Variants in ARVCF observed in about 807,000 individuals in gnomAD.
ARVCF encodes the protein ARVCF delta catenin family member.
ARVCF carries 66 observed loss-of-function variants against 90.9 expected under a neutral mutation model. That is an observed-to-expected ratio of 0.73 (90% CI 0.60 to 0.89). The LOEUF (loss-of-function observed/expected upper bound fraction) is 0.89. Among genes scored for constraint, ARVCF ranks in the 40% least tolerant of loss-of-function variants. The pLI, the probability that ARVCF is intolerant of heterozygous loss-of-function variation, is 0.00. For synonymous variants in ARVCF, 653 were observed against 603.4 expected, an observed-to-expected ratio of 1.08 and a Z score of -1.21; for missense variants, 1,469 against 1,382.3, an observed-to-expected ratio of 1.06 and a Z score of -1.00.
intron 1 of ARVCF, among the ~76,000 whole-genome samples, chr22:20,012,086 C>A (rs956736867): frequency 7.9e-6 from 1 of 127,202 alleles, no homozygotes; most frequent in Admixed American, 8.0e-5. Flanking sequence ...AAGTCCCCCC[C>A]CCCCACCCAG....
At position 19,979,689 on chromosome 22, in the gene ARVCF, A is replaced by G. The variant is rs980090622; in HGVS notation, c.1396+54T>C. ...GAGTGGCCTCGTTCCTCCCGGGTTGAGCCTCACACTCTTCTCTTCCCAGGG... is the reference window on the plus strand; with the variant it reads ...GAGTGGCCTCGTTCCTCCCGGGTTGGGCCTCACACTCTTCTCTTCCCAGGG... On this transcript the variant is annotated intron_variant, in intron 6 of 19. Coordinates refer to ENST00000263207, the MANE Select transcript of ARVCF (RefSeq NM_001670.3). 5 of 1,526,066 alleles carry G rather than the reference A, an allele frequency of 3.3e-6. No individual in the cohort carries two copies. In the African/African-American group the frequency reaches 6.8e-5, roughly 21 times the overall value. The allele number at this position is 1,526,066 out of a possible 1,614,324, so 94.5% of individuals were successfully genotyped here.
Position 19,997,718 on chromosome 22 carries a change from C to CA in ARVCF, c.-18-6907dup, listed in dbSNP as rs577216758. Among the ~76,000 whole-genome samples the CA allele has an allele frequency of 1.5e-3, 230 of 152,324 alleles. 1 individual carries two copies. Among genetic ancestry groups the CA allele is most frequent in the African/African-American group, 5.3e-3 (220 of 41,568 alleles). On this transcript the variant is annotated intron_variant, in intron 2 of 19. Coordinates refer to ENST00000263207, the MANE Select transcript of ARVCF (RefSeq NM_001670.3). Reference sequence around the variant, plus strand: ...CCAGGGAGAGGGCTGCAGAGGCTGCCAGTGCAGTGTCTTCTCCCCTGCACA... The same window carrying CA: ...CCAGGGAGAGGGCTGCAGAGGCTGCCAAGTGCAGTGTCTTCTCCCCTGCACA...
At chr22:20,001,914 T>C (rs981832211) in intron 2 of ARVCF, among the ~76,000 whole-genome samples, 4 of 152,146 alleles carry the variant, frequency 2.6e-5, no homozygotes, top group African/African-American at 9.7e-5. Context: ...AGTGTGAGGC[T>C]GGAGAAAGTA....
intron 2 of ARVCF, among the ~76,000 whole-genome samples, chr22:20,005,811 A>AG (rs1196519246): frequency 1.4e-3 from 209 of 151,910 alleles, no homozygotes; most frequent in African/African-American, 4.6e-3. Context: ...AAAAAAAAAA[A>AG]GAATTGAAAG....
intron 2 of ARVCF, among the ~76,000 whole-genome samples, chr22:19,996,324 A>G (rs1944249453): frequency 3.3e-5 from 5 of 152,178 alleles, no homozygotes; most frequent in Admixed American, 3.3e-4. Context: ...AAAAAAAAAA[A>G]AAAGGGCCAC....
chr22:19,978,062 C>G lies in ARVCF; in HGVS notation c.1594G>C (p.Asp532His), dbSNP rs748926778. 3 of 1,608,304 alleles carry G rather than the reference C, an allele frequency of 1.9e-6. No individual in the cohort carries two copies. Among genetic ancestry groups the G allele is most frequent in the African/African-American group, 1.3e-5 (1 of 74,792 alleles). The change falls in exon 8 of 20, where the codon GAT becomes CAT. Residue 532 changes from aspartate (D) to histidine (H), a missense_variant. Transcript: ENST00000263207. The part of the protein sequence containing the change: ...TSGCLRNVSS[D>H]GAEARRRLRE... ...AGTCGCCGCCGGGCCTCAGCACCAT[C>G]GGAGCTCACATTCCTGTGTGGCCAA...
At chr22:19,980,970 G>C in intron 5 of ARVCF, 1 of 509,746 alleles carries the variant, frequency 2.0e-6, no homozygotes, top group Non-Finnish European at 3.4e-6. Context: ...CTGGAGCAAG[G>C]CCAGTGGCCG....
rs776446985 is a variant in ARVCF, at chr22:19,977,409, A to AC, written c.1870+5dup. 1.5e-5 allele frequency: 23 copies of AC among 1,510,402 alleles called. No individual in the cohort carries two copies. The highest frequency in any genetic ancestry group is 2.0e-5 in the Non-Finnish European group (22 of 1,128,096). 93.6% of individuals were successfully genotyped at this position (1,510,402 alleles called of 1,614,324 possible). On this transcript the variant is annotated splice_donor_region_variant and intron_variant, in intron 9 of 19. Transcript: ENST00000263207. ...TAGAGATGATACCCCAGTCCGCCCC[A>AC]CCCACCTTTGGCCTTCTTGCCTCCA...
At chr22:19,979,609 C>T (rs1436719054) in intron 6 of ARVCF, 134 bp downstream of exon 6, 39 of 1,326,052 alleles carry the variant, frequency 2.9e-5, no homozygotes, top group African/African-American at 1.2e-4. Context: ...CTGGGGCAAG[C>T]GTCTCAGCAG....
chr22:20,016,492 G>T (rs1455249649), intron 1 of ARVCF, 97 bp downstream of exon 1: 1 of 152,140 alleles, frequency 6.6e-6, no homozygotes, highest in Non-Finnish European at 1.5e-5. Context: ...ACCGCTGCCC[G>T]GAATGCGTCC....
At position 19,971,921 on chromosome 22, in the gene ARVCF, A is replaced by G; in HGVS notation, c.2746T>C (p.Ser916Pro). 6.2e-7 allele frequency: 1 copy of G among 1,613,242 alleles called. No homozygotes were observed. Reference protein sequence around the residue: ...RRERRPRGASSAGEASEKEPL... With the variant: ...RRERRPRGASPAGEASEKEPL... ...TCCTTCTCAGAGGCCTCTCCTGCAGAGCTGGCGCCCCGTGGCCTCCGCTCC... is the reference window on the plus strand; with the variant it reads ...TCCTTCTCAGAGGCCTCTCCTGCAGGGCTGGCGCCCCGTGGCCTCCGCTCC... Residue 916 changes from serine (S) to proline (P), a missense_variant, in exon 18 of 20, where the codon TCT (serine) becomes CCT (proline). Ser to Pro is a moderately conservative substitution (Grantham distance 74, BLOSUM62 -1). Coordinates refer to ENST00000263207, the MANE Select transcript of ARVCF (RefSeq NM_001670.3).
chr22:19,980,992 A>T, intron 5 of ARVCF: 2 of 570,298 alleles, frequency 3.5e-6, no homozygotes, highest in Non-Finnish European at 2.9e-6. Flanking sequence ...CACTCTTCCC[A>T]GCTTTCCTGG....
rs904877676 is a variant in ARVCF at position 19,973,128 on chromosome 22, A to C, written c.2429T>G (p.Val810Gly). ...ARGVPALVAL[V>G]ASSQSVREAK... Reference sequence around the variant, plus strand: ...CCCCGCCCCTCCACACCTGGAGGCCACGAGAGCCACCAACGCTGGCACCCC... The same window carrying C: ...CCCCGCCCCTCCACACCTGGAGGCCCCGAGAGCCACCAACGCTGGCACCCC... The change falls in exon 14 of 20, where the codon GTG becomes GGG. Residue 810 changes from valine (V) to glycine (G), a missense_variant. Coordinates refer to ENST00000263207, the MANE Select transcript of ARVCF (RefSeq NM_001670.3). The C allele has an allele frequency of 7.3e-7, 1 of 1,378,158 alleles. No homozygotes were observed. Among genetic ancestry groups the C allele is most frequent in the Non-Finnish European group, 9.6e-7 (1 of 1,039,296 alleles). 85.4% of individuals were successfully genotyped at this position (1,378,158 alleles called of 1,614,324 possible). A position where few individuals can be genotyped will look rare whatever the true frequency, so the allele number is the denominator to read the frequency against.
chr22:19,979,764 C>T lies in ARVCF; in HGVS notation c.1375G>A (p.Glu459Lys), dbSNP rs767313095. 1.2e-5 allele frequency: 19 copies of T among 1,603,294 alleles called. No homozygotes were observed. The highest frequency in any genetic ancestry group is 2.2e-5 in the East Asian group (1 of 44,470). ...VRLLRAARDN[E>K]VRELVTGTLW... Reference sequence around the variant, plus strand: ...TCACCAGTGACAAGCTCACGGACCTCGTTGTCCCGGGCAGCCCTCAGCAGG... The same window carrying T: ...TCACCAGTGACAAGCTCACGGACCTTGTTGTCCCGGGCAGCCCTCAGCAGG... The change falls in exon 6 of 20, where the codon GAG (glutamate) becomes AAG (lysine). Residue 459 changes from glutamate (E) to lysine (K), a missense_variant. Physicochemically the swap from Glu to Lys is moderately conservative, Grantham distance 56. Coordinates refer to ENST00000263207, the MANE Select transcript of ARVCF (RefSeq NM_001670.3).
intron 18 of ARVCF, among the ~76,000 whole-genome samples, chr22:19,971,585 C>T (rs1942792629): frequency 6.6e-6 from 1 of 152,194 alleles, no homozygotes; most frequent in African/African-American, 2.4e-5. Context: ...GTCCTGCCAT[C>T]GCTGGTGGAC....
At chr22:19,968,774 G>T (rs1381911298), downstream of ARVCF, 4 of 1,585,392 alleles carry the variant, frequency 2.5e-6, no homozygotes, top group South Asian at 4.5e-5. Flanking sequence ...CTCTCACCCA[G>T]CCTGGTACTG....
chr22:19,991,580 A>T (rs1445203439), intron 2 of ARVCF, among the ~76,000 whole-genome samples: 2 of 152,258 alleles, frequency 1.3e-5, no homozygotes, highest in African/African-American at 4.8e-5. Flanking sequence ...GGGGCCAGGC[A>T]TCTGAGGCCA....
chr22:19,965,557 G>A (rs565954323), downstream of ARVCF: 1 of 152,316 alleles, frequency 6.6e-6, no homozygotes, highest in African/African-American at 2.4e-5. Flanking sequence ...GGCCAGGATG[G>A]TCTCAATATC....
At chr22:19,997,947 G>A (rs545107141) in intron 2 of ARVCF, among the ~76,000 whole-genome samples, 1 of 152,354 alleles carries the variant, frequency 6.6e-6, no homozygotes, top group East Asian at 1.9e-4. Context: ...GGAGGCGGAG[G>A]CGGGGTGTAA....
Sources: gnomAD v4.1 joint callset for allele counts (sites outside exome capture counted in the v4.1 genomes callset) on GRCh38, gnomAD v4.1.1 for gene constraint, MANE v1.5 for transcripts, NCBI Gene and HGNC (gene_info 2026-07-23, HGNC 2026-07-21) for gene names.